Variants in PALLD observed in about 807,000 individuals in gnomAD.
The protein encoded by PALLD is palladin, cytoskeletal associated protein.
PALLD carries 61 observed loss-of-function variants against 123.5 expected under a neutral mutation model. That is an observed-to-expected ratio of 0.49 (90% CI 0.40 to 0.61). The LOEUF (loss-of-function observed/expected upper bound fraction) is 0.61. Among genes scored for constraint, PALLD ranks in the 20% least tolerant of loss-of-function variants. The pLI is 0.00. For missense variants in PALLD, 1,273 were observed against 1,377.0 expected (o/e 0.92, Z 1.20); for synonymous variants, 465 against 496.4 (o/e 0.94, Z 0.84).
chr4:168,521,792 T>C (rs1010522768), intron 2 of PALLD, among the ~76,000 whole-genome samples: 5 of 152,224 alleles, frequency 3.3e-5, no homozygotes, highest in Admixed American at 6.5e-5. Context: ...AGTCCTAGAT[T>C]TGTATCTCAG....
chr4:168,593,698 G>A (rs759006516), intron 2 of PALLD, among the ~76,000 whole-genome samples: 3 of 152,128 alleles, frequency 2.0e-5, no homozygotes. Context: ...TTAAAACGTA[G>A]TGAATTACAG....
intron 15 of PALLD, among the ~76,000 whole-genome samples, chr4:168,907,020 C>T (rs1173017706): frequency 6.6e-6 from 1 of 152,196 alleles, no homozygotes; most frequent in Non-Finnish European, 1.5e-5. Flanking sequence ...TGGCATCAGG[C>T]AATCTCAGCT....
intron 10 of PALLD, among the ~76,000 whole-genome samples, chr4:168,806,931 C>T (rs1178402821): frequency 6.6e-6 from 1 of 152,086 alleles, no homozygotes; most frequent in Non-Finnish European, 1.5e-5. Context: ...TACACACATA[C>T]ATATATGTAG....
At chr4:168,581,042 T>C (rs989529857) in intron 2 of PALLD, among the ~76,000 whole-genome samples, 6 of 151,390 alleles carry the variant, frequency 4.0e-5, no homozygotes, top group African/African-American at 1.5e-4. Flanking sequence ...TTTGTACCCA[T>C]GTGACAAAAT....
chr4:168,807,823 A>G (rs1300721708), intron 10 of PALLD, among the ~76,000 whole-genome samples: 1 of 151,758 alleles, frequency 6.6e-6, no homozygotes, highest in Non-Finnish European at 1.5e-5. Context: ...CTCCTGCCTC[A>G]GCCTCCAGAG....
intron 10 of PALLD, among the ~76,000 whole-genome samples, chr4:168,816,491 C>T (rs895656322): frequency 6.6e-6 from 1 of 151,024 alleles, no homozygotes; most frequent in African/African-American, 2.4e-5. Context: ...AGATAGTGAA[C>T]TCTGCCTCTA....
chr4:168,628,355 G>A (rs1371306004), intron 2 of PALLD, among the ~76,000 whole-genome samples: 1 of 152,220 alleles, frequency 6.6e-6, no homozygotes, highest in Non-Finnish European at 1.5e-5. Flanking sequence ...TCCAATGGCT[G>A]TCTGTTGCTC....
At chr4:168,788,724 G>A (rs920914271) in intron 10 of PALLD, among the ~76,000 whole-genome samples, 4 of 152,008 alleles carry the variant, frequency 2.6e-5, no homozygotes, top group African/African-American at 7.2e-5. Context: ...GGGTAGGGAC[G>A]GGGAATACAT....
At chr4:168,550,961 G>A (rs898455559) in intron 2 of PALLD, among the ~76,000 whole-genome samples, 4 of 152,240 alleles carry the variant, frequency 2.6e-5, no homozygotes, top group South Asian at 2.1e-4. Context: ...CAACACTTAC[G>A]TAGCTTCTAC....
At chr4:168,509,669 T>C (rs1053279397) in intron 1 of PALLD, among the ~76,000 whole-genome samples, 1 of 152,150 alleles carries the variant, frequency 6.6e-6, no homozygotes, top group Admixed American at 6.5e-5. Flanking sequence ...TGAAGAAGAG[T>C]GCGAAATATG....
intron 17 of PALLD, 21 bp downstream of exon 17, chr4:168,916,048 G>T: frequency 1.2e-6 from 2 of 1,609,044 alleles, no homozygotes; most frequent in Non-Finnish European, 1.7e-6. Context: ...GTTATTGCTT[G>T]CATATCCTAT....
intron 10 of PALLD, among the ~76,000 whole-genome samples, chr4:168,845,188 A>C (rs1207003372): frequency 6.6e-6 from 1 of 152,194 alleles, no homozygotes; most frequent in Non-Finnish European, 1.5e-5. Context: ...CCAAAGTGCC[A>C]TGGAAAACAT....
At chr4:168,548,879 GGCTCA>G (rs1766440060) in intron 2 of PALLD, among the ~76,000 whole-genome samples, 1 of 152,124 alleles carries the variant, frequency 6.6e-6, no homozygotes, top group Admixed American at 6.6e-5. Flanking sequence ...TGGGTACAGT[GGCTCA>G]TACTTGTAAT....
chr4:168,863,114 G>A (rs1368363563), intron 10 of PALLD, among the ~76,000 whole-genome samples: 2 of 152,094 alleles, frequency 1.3e-5, no homozygotes, highest in South Asian at 2.1e-4. Context: ...GTTCTTTTAC[G>A]CCATTACAGT....
chr4:168,781,482 A>G (rs1735919690), intron 10 of PALLD, among the ~76,000 whole-genome samples: 1 of 152,198 alleles, frequency 6.6e-6, no homozygotes, highest in Non-Finnish European at 1.5e-5. Flanking sequence ...GACATGGTGT[A>G]TGGCCAGGGG....
At chr4:168,562,164 C>T (rs1391162225) in intron 2 of PALLD, among the ~76,000 whole-genome samples, 6 of 151,744 alleles carry the variant, frequency 4.0e-5, no homozygotes, top group Non-Finnish European at 7.4e-5. Flanking sequence ...TATCAAATTA[C>T]CTTCCAGTAT....
At position 168,596,916 on chromosome 4, in the gene PALLD, A is replaced by C. The variant is rs1392661208; in HGVS notation, c.909-71274A>C. Among the ~76,000 whole-genome samples the C allele has an allele frequency of 2.7e-5, 4 of 150,136 alleles. No homozygotes were observed. In the East Asian group the frequency reaches 7.7e-4, roughly 29 times the overall value. ...TCAATCCATACTTAAGCCCCAATAA[A>C]TTCAATATAGCACTTTTACCCTTTT... On this transcript the variant is annotated intron_variant, in intron 2 of 21. Coordinates refer to ENST00000505667, the MANE Select transcript of PALLD (RefSeq NM_001166108.2).
intron 2 of PALLD, among the ~76,000 whole-genome samples, chr4:168,649,793 T>C (rs1162523756): frequency 6.6e-6 from 1 of 152,262 alleles, no homozygotes; most frequent in Non-Finnish European, 1.5e-5. Context: ...TATGTATTTC[T>C]TTGCATCTTT....
chr4:168,846,252 G>T (rs1746825867), intron 10 of PALLD, among the ~76,000 whole-genome samples: 1 of 152,194 alleles, frequency 6.6e-6, no homozygotes, highest in Admixed American at 6.5e-5. Context: ...CAGTCAAGGG[G>T]AAGTCTCAAG....
Sources: allele counts gnomAD v4.1 joint callset (sites outside exome capture counted in the v4.1 genomes callset), GRCh38; gene constraint gnomAD v4.1.1; transcripts MANE v1.5; gene names NCBI Gene and HGNC (gene_info 2026-07-23, HGNC 2026-07-21).